The following SEC14L2 variants were observed in gnomAD, a reference collection of about 807,000 sequenced individuals.
SEC14L2 encodes the protein SEC14 like lipid binding 2, also known as SEC14-like protein 2.
Under a neutral mutation model 56.9 loss-of-function variants are expected in SEC14L2, and 50 were observed. The ratio of observed to expected loss-of-function variants is 0.88; its 90% CI spans 0.70 to 1.11. The LOEUF (loss-of-function observed/expected upper bound fraction) is 1.11. Ranked by LOEUF, SEC14L2 falls within the 50% of genes most tolerant of loss-of-function variation. SEC14L2 has a pLI of 0.00. For missense variants in SEC14L2, 414 were observed against 500.7 expected (o/e 0.83, Z 1.65); for synonymous variants, 179 against 188.5 (o/e 0.95, Z 0.41).
intron 7 of SEC14L2, among the ~76,000 whole-genome samples, chr22:30,410,200 C>T (rs1355435210): frequency 6.6e-6 from 1 of 152,104 alleles, no homozygotes; most frequent in East Asian, 1.9e-4. Context: ...GAGTAAAAGG[C>T]TGCAGTGAGC....
intron 8 of SEC14L2, among the ~76,000 whole-genome samples, chr22:30,414,448 C>T (rs1323380049): frequency 6.6e-6 from 1 of 152,104 alleles, no homozygotes. Context: ...GTCACTGGAG[C>T]TTAGCAGTGC....
Position 30,422,333 on chromosome 22 carries a change from A to G in SEC14L2, c.1138A>G (p.Thr380Ala). Residue 380 changes from threonine (T) to alanine (A), a missense_variant, in exon 12 of 12, where the codon ACT becomes GCT. Coordinates refer to ENST00000615189, the MANE Select transcript of SEC14L2 (RefSeq NM_012429.5). ...CATTCATGCCAAGAAGGTCAATTTC[A>G]CTGTGGAGGTCCTGCTTCCAGACAA... ...SFIHAKKVNF[T>A]VEVLLPDKAS... 6.2e-7 allele frequency: 1 copy of G among 1,614,192 alleles called. No individual in the cohort carries two copies. Among genetic ancestry groups the G allele is most frequent in the East Asian group, 2.2e-5 (1 of 44,886 alleles).
chr22:30,419,325 G>A (rs942869507), intron 11 of SEC14L2, among the ~76,000 whole-genome samples: 1 of 152,214 alleles, frequency 6.6e-6, no homozygotes, highest in South Asian at 2.1e-4. Flanking sequence ...GTCAAGGTGG[G>A]TGGATCACTC....
At chr22:30,414,968 A>C (rs780383507) in intron 8 of SEC14L2, among the ~76,000 whole-genome samples, 9 of 152,172 alleles carry the variant, frequency 5.9e-5, no homozygotes, top group Non-Finnish European at 1.2e-4. Context: ...GTTCAGTATA[A>C]TCAGGACAGG....
chr22:30,407,820 C>T (rs1934141442), intron 5 of SEC14L2, among the ~76,000 whole-genome samples: 1 of 151,776 alleles, frequency 6.6e-6, no homozygotes, highest in South Asian at 2.1e-4. Flanking sequence ...CCACCCACCT[C>T]GGACTCCCAA....
Position 30,397,133 on chromosome 22 carries a change from G to C in SEC14L2, c.17G>C (p.Gly6Ala). The change falls in exon 1 of 12, where the codon GGC becomes GCC. Residue 6 changes from glycine to alanine, a missense_variant. Gly to Ala is a moderately conservative substitution (Grantham distance 60, BLOSUM62 0). Transcript: ENST00000615189. ...TGAGCCACGATGAGCGGCAGAGTCG[G>C]CGATCTGAGCCCCAGGCAGAAGGAG... Reference protein sequence around the residue: MSGRVGDLSPRQKEAL... With the variant: MSGRVADLSPRQKEAL... 1.9e-6 allele frequency: 3 copies of C among 1,548,092 alleles called. No homozygotes were observed. Among genetic ancestry groups the C allele is most frequent in the South Asian group, 1.2e-5 (1 of 83,986 alleles).
At chr22:30,413,118 A>G (rs1469984884) in intron 8 of SEC14L2, among the ~76,000 whole-genome samples, 3 of 152,224 alleles carry the variant, frequency 2.0e-5, no homozygotes, top group Non-Finnish European at 4.4e-5. Flanking sequence ...AAATAACAGC[A>G]GCAGCTAAAA....
chr22:30,400,894 C>CAAA (rs1185861063), intron 2 of SEC14L2, among the ~76,000 whole-genome samples: 35 of 48,618 alleles, frequency 7.2e-4, no homozygotes, highest in African/African-American at 2.7e-3. Context: ...GACTCCGTCT[C>CAAA]AAAAAAAAAA....
chr22:30,406,108 C>T (rs1299878054), intron 2 of SEC14L2, among the ~76,000 whole-genome samples: 7 of 152,030 alleles, frequency 4.6e-5, no homozygotes, highest in African/African-American at 1.7e-4. Flanking sequence ...ACAATAGCTG[C>T]CCCCAGCTGC....
chr22:30,399,635 C>A lies in SEC14L2; in HGVS notation c.55-8C>A. The A allele has an allele frequency of 6.2e-7, 1 of 1,611,594 alleles. No homozygotes were observed. Among genetic ancestry groups the A allele is most frequent in the Non-Finnish European group, 8.5e-7 (1 of 1,178,414 alleles). ...CCCTACCACTCACCCCGATGCCTCT[C>A]CCTACAGTTTCGGGAGAATGTCCAG... On this transcript the variant is annotated splice_region_variant and splice_polypyrimidine_tract_variant and intron_variant, in intron 1 of 11. Coordinates refer to ENST00000615189, the MANE Select transcript of SEC14L2 (RefSeq NM_012429.5).
intron 6 of SEC14L2, 50 bp from the exon 7 acceptor site, chr22:30,409,376 G>A: frequency 6.2e-7 from 1 of 1,608,482 alleles, no homozygotes; most frequent in Admixed American, 1.7e-5. Flanking sequence ...GTGAGGCAAT[G>A]GGGGCAGATT....
intron 7 of SEC14L2, among the ~76,000 whole-genome samples, chr22:30,410,367 G>A (rs1934215226): frequency 6.6e-6 from 1 of 152,258 alleles, no homozygotes; most frequent in Non-Finnish European, 1.5e-5. Flanking sequence ...CCAGCCTGAT[G>A]AGATGGGAAG....
chr22:30,400,824 G>A (rs1402074066), intron 2 of SEC14L2, among the ~76,000 whole-genome samples: 4 of 148,956 alleles, frequency 2.7e-5, no homozygotes, highest in African/African-American at 1.0e-4. Flanking sequence ...GAACCCGGGA[G>A]GTGGAGGTTG....
chr22:30,409,021 C>T, intron 5 of SEC14L2, 166 bp from the exon 6 acceptor site: 2 of 722,356 alleles, frequency 2.8e-6, no homozygotes, highest in East Asian at 2.6e-5. Context: ...TCGCCTAGAC[C>T]ACAATTCTGG....
intron 8 of SEC14L2, among the ~76,000 whole-genome samples, chr22:30,413,350 A>G (rs911869415): frequency 2.0e-5 from 3 of 152,204 alleles, no homozygotes; most frequent in Non-Finnish European, 2.9e-5. Context: ...AAGAGGACAC[A>G]CAGGCATCAA....
Sources: gnomAD v4.1 joint callset for allele counts (sites outside exome capture counted in the v4.1 genomes callset) on GRCh38, gnomAD v4.1.1 for gene constraint, MANE v1.5 for transcripts, NCBI Gene and HGNC (gene_info 2026-07-23, HGNC 2026-07-21) for gene names.